The following ZPBP variants were observed in gnomAD, a reference collection of about 807,000 sequenced individuals.
ZPBP encodes the protein zona pellucida binding protein.
In ZPBP, 26 loss-of-function variants were observed where a neutral mutation model predicts 44.8. The ratio of observed to expected loss-of-function variants is 0.58; its 90% CI spans 0.43 to 0.81. The LOEUF is 0.81. Among genes scored for constraint, ZPBP ranks in the 30% least tolerant of loss-of-function variants. ZPBP has a pLI of 0.00. For missense variants in ZPBP, 409 were observed against 434.0 expected (o/e 0.94, Z 0.51); for synonymous variants, 174 against 153.2 (o/e 1.14, Z -1.00).
In ZPBP at chr7:50,089,685, C is replaced by G. The variant is rs747358162; in HGVS notation, c.152G>C (p.Arg51Thr). ...SSVGHLVRLP[R>T]AFRLTKDSVK... The stretch of plus-strand genomic sequence containing the variant: ...TGAATCTTTGGTCAAGCGAAAAGCT[C>G]TTGGTAATCGAACCAAGTGTCCAAC... The change falls in exon 2 of 8, where the codon AGA becomes ACA. Residue 51 changes from arginine to threonine, a missense_variant. This residue lies in a region of ZPBP where 367 missense variants were observed against 363.1 expected (regional missense o/e 1.01). Coordinates refer to ENST00000046087, the MANE Select transcript of ZPBP (RefSeq NM_007009.3). 6 of 1,611,408 alleles carry G rather than the reference C, an allele frequency of 3.7e-6. No homozygotes were observed. The highest frequency in any genetic ancestry group is 1.7e-5 in the Admixed American group (1 of 59,870).
chr7:50,034,845 T>C (rs1007669033), intron 4 of ZPBP, among the ~76,000 whole-genome samples: 9 of 152,218 alleles, frequency 5.9e-5, no homozygotes, highest in African/African-American at 2.2e-4. Context: ...AGCTACCAAC[T>C]TGGAATTTAA....
At chr7:49,949,784 G>A (rs1477029639) in intron 7 of ZPBP, among the ~76,000 whole-genome samples, 1 of 151,792 alleles carries the variant, frequency 6.6e-6, no homozygotes, top group Non-Finnish European at 1.5e-5. Context: ...CACTTAAAAT[G>A]TTAAATTTTA....
chr7:49,906,804 A>C (rs1194619787), intron 1 of ZPBP, among the ~76,000 whole-genome samples: 1 of 150,852 alleles, frequency 6.6e-6, no homozygotes, highest in East Asian at 2.1e-4. Context: ...TTCTGCCTCT[A>C]GGATTGTGTG....
intron 3 of ZPBP, among the ~76,000 whole-genome samples, chr7:50,080,626 A>C (rs1267786706): frequency 6.6e-6 from 1 of 151,800 alleles, no homozygotes; most frequent in Non-Finnish European, 1.5e-5. Flanking sequence ...TTTCAATATA[A>C]AATGTAAAAC....
chr7:49,940,603 A>T, intron 7 of ZPBP: 1 of 223,522 alleles, frequency 4.5e-6, no homozygotes, highest in Non-Finnish European at 7.5e-6. Flanking sequence ...AAATAACTTT[A>T]CAAGAGCTAT....
chr7:49,849,307 C>A (rs971188372), downstream of ZPBP, among the ~76,000 whole-genome samples: 1 of 152,134 alleles, frequency 6.6e-6, no homozygotes, highest in African/African-American at 2.4e-5. Flanking sequence ...TAAATCTGCT[C>A]AAAAGTAATT....
chr7:50,009,176 G>T (rs938215545), intron 6 of ZPBP, among the ~76,000 whole-genome samples: 12 of 147,882 alleles, frequency 8.1e-5, no homozygotes, highest in Non-Finnish European at 1.8e-4. Flanking sequence ...GGTGGAGGTT[G>T]CAGTGAGCCA....
At chr7:49,970,744 G>A (rs1796268658) in intron 7 of ZPBP, among the ~76,000 whole-genome samples, 2 of 151,808 alleles carry the variant, frequency 1.3e-5, no homozygotes, top group African/African-American at 2.4e-5. Flanking sequence ...GCCAGGTGCA[G>A]TGGCTCACAC....
downstream of ZPBP, among the ~76,000 whole-genome samples, chr7:49,935,309 C>T (rs530904126): frequency 6.6e-6 from 1 of 152,210 alleles, no homozygotes; most frequent in African/African-American, 2.4e-5. Flanking sequence ...TAACGAAGAA[C>T]ATTTTACTAT....
intron 2 of ZPBP, among the ~76,000 whole-genome samples, chr7:49,864,678 T>C (rs1411576948): frequency 6.6e-6 from 1 of 152,184 alleles, no homozygotes; most frequent in Admixed American, 6.5e-5. Context: ...GCCTGCATCT[T>C]CTGTTGGTCT....
intron 7 of ZPBP, among the ~76,000 whole-genome samples, chr7:49,979,495 C>G (rs759486722): frequency 2.0e-5 from 3 of 151,702 alleles, no homozygotes; most frequent in Admixed American, 6.6e-5. Flanking sequence ...TAGTGTAGTA[C>G]ATAATAAGTT....
At chr7:49,974,400 T>C (rs921708466) in intron 7 of ZPBP, among the ~76,000 whole-genome samples, 10 of 152,132 alleles carry the variant, frequency 6.6e-5, no homozygotes, top group Non-Finnish European at 1.3e-4. Flanking sequence ...CATGTTATGA[T>C]GCCATAAAGT....
chr7:50,033,711 G>A (rs1344669646), intron 4 of ZPBP, among the ~76,000 whole-genome samples: 1 of 38,788 alleles, frequency 2.6e-5, no homozygotes, highest in Non-Finnish European at 6.1e-5. Flanking sequence ...TATTTATTTA[G>A]AGATGGAGTT....
chr7:50,008,213 T>G (rs547233293), intron 6 of ZPBP, among the ~76,000 whole-genome samples: 1 of 152,144 alleles, frequency 6.6e-6, no homozygotes, highest in East Asian at 1.9e-4. Context: ...ATATCAGTTG[T>G]TTTCCTATAC....
At chr7:49,996,016 G>A (rs1356943197) in intron 6 of ZPBP, among the ~76,000 whole-genome samples, 1 of 152,078 alleles carries the variant, frequency 6.6e-6, no homozygotes, top group African/African-American at 2.4e-5. Flanking sequence ...AGGACTTCAA[G>A]TATTCCCACA....
intron 7 of ZPBP, 94 bp from the exon 8 acceptor site, chr7:49,937,716 G>A (rs1794672272): frequency 9.9e-7 from 1 of 1,008,604 alleles, no homozygotes; most frequent in Non-Finnish European, 1.5e-6. Flanking sequence ...TAGTTCAGTA[G>A]TATTAAGCAT....
At chr7:49,843,775 A>G in the ZPBP span, among the ~76,000 whole-genome samples, 1 of 152,250 alleles carries the variant, frequency 6.6e-6, no homozygotes, top group Non-Finnish European at 1.5e-5. Flanking sequence ...CCAGCGCTAC[A>G]GGGCATTGTG....
At chr7:50,078,147 C>T (rs889843148) in intron 3 of ZPBP, among the ~76,000 whole-genome samples, 1 of 151,616 alleles carries the variant, frequency 6.6e-6, no homozygotes, top group Non-Finnish European at 1.5e-5. Context: ...CATAAGAAGA[C>T]AAACATTGCA....
chr7:50,032,292 A>G (rs1191037751), intron 4 of ZPBP, among the ~76,000 whole-genome samples: 5 of 152,178 alleles, frequency 3.3e-5, no homozygotes, highest in Admixed American at 1.3e-4. Flanking sequence ...ATAATATCAA[A>G]GATATGTAAT....
Sources: allele counts gnomAD v4.1 joint callset (sites outside exome capture counted in the v4.1 genomes callset), GRCh38; gene constraint gnomAD v4.1.1; regional missense constraint gnomAD v4.1.1; transcripts MANE v1.5; gene names NCBI Gene and HGNC (gene_info 2026-07-23, HGNC 2026-07-21).